ADGRE3: variants seen among roughly 807,000 people sequenced by gnomAD.
ADGRE3 encodes adhesion G protein-coupled receptor E3, also known as EGF-like module receptor 3.
In ADGRE3, 88 loss-of-function variants were observed where a neutral mutation model predicts 80.1. The ratio of observed to expected loss-of-function variants is 1.10; its 90% CI spans 0.93 to 1.31. ADGRE3 has a LOEUF of 1.31. Ranked by LOEUF, ADGRE3 falls within the 40% of genes most tolerant of loss-of-function variation. The pLI, the probability that ADGRE3 is intolerant of heterozygous loss-of-function variation, is 0.00. For synonymous variants in ADGRE3, 281 were observed against 294.8 expected, an observed-to-expected ratio of 0.95 and a Z score of 0.48; for missense variants, 715 against 776.5, an observed-to-expected ratio of 0.92 and a Z score of 0.94.
intron 14 of ADGRE3, 31 bp downstream of exon 14, chr19:14,630,008 T>G (rs529167014): frequency 1.4e-6 from 2 of 1,461,782 alleles, no homozygotes; most frequent in Non-Finnish European, 1.8e-6. Context: ...TTTCTTAAGT[T>G]TAAATAACAA....
At chr19:14,638,066 A>G in intron 11 of ADGRE3, 39 bp downstream of exon 11, 9 of 1,487,630 alleles carry the variant, frequency 6.0e-6, no homozygotes, top group Non-Finnish European at 7.5e-6. Flanking sequence ...AAGCTTTCTT[A>G]GGAAACTGTC....
chr19:14,606,949 G>T, the ADGRE3 span: 1 of 1,065,584 alleles, frequency 9.4e-7, no homozygotes, highest in Non-Finnish European at 1.2e-6. Context: ...CACCCTGAGG[G>T]TCATGTAGAG....
rs375553360 is a variant in ADGRE3, at chr19:14,630,188, T to A, written c.1663A>T (p.Thr555Ser). The stretch of plus-strand genomic sequence containing the variant: ...CAGCCCAGGATGAAGAGCTGAGCTG[T>A]TGCTTTGAAAGCCAGCATCCTGGGA... ...QNTRMLAFKA[T>S]AQLFILGCTW... The change falls in exon 14 of 16, where the codon ACA becomes TCA. Residue 555 changes from threonine to serine, a missense_variant. Physicochemically the swap from Thr to Ser is moderately conservative, Grantham distance 58. Transcript: ENST00000253673. The A allele has an allele frequency of 8.7e-6, 14 of 1,602,184 alleles. No homozygotes were observed. Among genetic ancestry groups the A allele is most frequent in the African/African-American group, 5.4e-5 (4 of 74,540 alleles).
chr19:14,602,200 G>GTT, the ADGRE3 span, among the ~76,000 whole-genome samples: 11 of 149,192 alleles, frequency 7.4e-5, no homozygotes, highest in African/African-American at 2.7e-4. Context: ...TATTTAAAAT[G>GTT]TTTTTTTTTT....
At chr19:14,658,914 TA>T in intron 4 of ADGRE3, among the ~76,000 whole-genome samples, 1 of 152,092 alleles carries the variant, frequency 6.6e-6, no homozygotes, top group African/African-American at 2.4e-5. Flanking sequence ...TTTGTATTTT[TA>T]GTAGAGATGG....
intron 10 of ADGRE3, among the ~76,000 whole-genome samples, chr19:14,639,797 A>T (rs1971197401): frequency 6.6e-6 from 1 of 152,218 alleles, no homozygotes; most frequent in Admixed American, 6.5e-5. Context: ...TTTGCCTAAA[A>T]GCAGGACATA....
intron 4 of ADGRE3, 56 bp from the exon 5 acceptor site, chr19:14,658,606 GGGTGGGCA>G (rs1464757259): frequency 7.2e-7 from 1 of 1,392,802 alleles, no homozygotes. Context: ...CCAGGCAGAG[GGGTGGGCA>G]GGTGGGGTAA....
chr19:14,657,333 C>G (rs1366644961), intron 5 of ADGRE3, among the ~76,000 whole-genome samples: 1 of 151,986 alleles, frequency 6.6e-6, no homozygotes, highest in Admixed American at 6.6e-5. Flanking sequence ...ATATAAATGC[C>G]GTCAGTTGGC....
At chr19:14,652,518 G>A (rs546199177) in intron 6 of ADGRE3, among the ~76,000 whole-genome samples, 65 of 151,912 alleles carry the variant, frequency 4.3e-4, no homozygotes, top group African/African-American at 1.5e-3. Flanking sequence ...AGTGGCTCAT[G>A]CCTGAATTCC....
downstream of ADGRE3, among the ~76,000 whole-genome samples, chr19:14,617,341 C>CCTCCCTCCCTCCCTCCCTTTCTTT: frequency 1.7e-5 from 1 of 57,170 alleles, no homozygotes; most frequent in African/African-American, 5.9e-5. Flanking sequence ...TCCCTCCCTC[C>CCTCCCTCCCTCCCTCCCTTTCTTT]CTTTCTTTCT....
the ADGRE3 span, among the ~76,000 whole-genome samples, chr19:14,612,470 G>C: frequency 6.6e-6 from 1 of 151,720 alleles, no homozygotes; most frequent in Non-Finnish European, 1.5e-5. Context: ...GAGTAGCTGG[G>C]ATTACAGGTG....
At chr19:14,606,979 AT>A in the ADGRE3 span, 1 of 1,259,474 alleles carries the variant, frequency 7.9e-7, no homozygotes, top group South Asian at 2.8e-5. Context: ...GCTGAATGGA[AT>A]TTTTATTTGC....
intron 15 of ADGRE3, among the ~76,000 whole-genome samples, chr19:14,623,387 A>C (rs1326411442): frequency 6.6e-6 from 1 of 152,058 alleles, no homozygotes; most frequent in Non-Finnish European, 1.5e-5. Context: ...GTGAGCCACC[A>C]TGCCCAGCCT....
intron 13 of ADGRE3, among the ~76,000 whole-genome samples, chr19:14,630,703 T>C (rs757070264): frequency 2.0e-5 from 3 of 151,804 alleles, no homozygotes; most frequent in Non-Finnish European, 2.9e-5. Context: ...CGTGAACCAC[T>C]GCACCCAGCC....
At chr19:14,606,348 C>G in the ADGRE3 span, among the ~76,000 whole-genome samples, 1 of 145,504 alleles carries the variant, frequency 6.9e-6, no homozygotes, top group African/African-American at 2.6e-5. Context: ...GCACTCCAGT[C>G]TGGTTGACAG....
intron 15 of ADGRE3, among the ~76,000 whole-genome samples, chr19:14,620,159 T>C (rs780597814): frequency 2.2e-4 from 33 of 152,120 alleles, no homozygotes; most frequent in Non-Finnish European, 3.5e-4. Flanking sequence ...GTCAAACTTG[T>C]CCATAGAGAA....
At chr19:14,615,983 AAC>A (rs2075073197), downstream of ADGRE3, among the ~76,000 whole-genome samples, 2 of 107,766 alleles carry the variant, frequency 1.9e-5, no homozygotes, top group South Asian at 5.5e-4. Flanking sequence ...TTTTTTTTTT[AAC>A]AGAGTCTTGC....
intron 5 of ADGRE3, among the ~76,000 whole-genome samples, chr19:14,658,133 C>G (rs1399196605): frequency 1.3e-5 from 2 of 151,888 alleles, no homozygotes; most frequent in Non-Finnish European, 2.9e-5. Context: ...CCCCGCAGTT[C>G]AAATGTGTGT....
At chr19:14,662,818 G>C (rs1192424390) in intron 3 of ADGRE3, among the ~76,000 whole-genome samples, 2 of 146,580 alleles carry the variant, frequency 1.4e-5, no homozygotes, top group East Asian at 4.2e-4. Context: ...TGTAATCCCA[G>C]CACTTTGGGA....
Sources: allele counts gnomAD v4.1 joint callset (sites outside exome capture counted in the v4.1 genomes callset), GRCh38; gene constraint gnomAD v4.1.1; transcripts MANE v1.5; gene names NCBI Gene and HGNC (gene_info 2026-07-23, HGNC 2026-07-21).